XPO5: variants seen among roughly 807,000 people sequenced by gnomAD.
XPO5 encodes the protein exportin 5.
Under a neutral mutation model 160.6 loss-of-function variants are expected in XPO5, and 46 were observed. That is an observed-to-expected ratio of 0.29 (90% CI 0.23 to 0.37). The LOEUF is 0.37. Among genes scored for constraint, XPO5 ranks in the 10% least tolerant of loss-of-function variants. The pLI is 1.00. For missense variants in XPO5, 1,090 were observed against 1,463.9 expected (o/e 0.74, Z 4.17); for synonymous variants, 537 against 519.3 (o/e 1.03, Z -0.46).
chr6:43,560,654 C>T (rs977292109), intron 10 of XPO5, among the ~76,000 whole-genome samples: 2 of 152,132 alleles, frequency 1.3e-5, no homozygotes, highest in Non-Finnish European at 2.9e-5. Flanking sequence ...ATCTTTATAA[C>T]TTTAGTACTA....
At chr6:43,531,999 T>C (rs969662936) in intron 21 of XPO5, among the ~76,000 whole-genome samples, 15 of 152,210 alleles carry the variant, frequency 9.9e-5, no homozygotes, top group African/African-American at 3.4e-4. Flanking sequence ...AAAATATCTA[T>C]ATTTTTAAGT....
At chr6:43,524,663 G>C (rs1468174882) in intron 30 of XPO5, 28 bp from the exon 31 acceptor site, 1 of 1,607,586 alleles carries the variant, frequency 6.2e-7, no homozygotes, top group Non-Finnish European at 8.5e-7. Flanking sequence ...AAACTTACTG[G>C]ATGTAGGTTT....
rs200093268 is a variant in XPO5, at chr6:43,523,818, G to T, written c.*50C>A. The T allele has an allele frequency of 2.1e-4, 341 of 1,613,748 alleles. 1 individual carries two copies. In the African/African-American group the frequency reaches 3.7e-3, roughly 17 times the overall value. Reference sequence around the variant, plus strand: ...AGGGCCTAGAGATCGGCTACAAAGGGAAAGAAGAGATGACAAGAAAGGCCG... The same window carrying T: ...AGGGCCTAGAGATCGGCTACAAAGGTAAAGAAGAGATGACAAGAAAGGCCG... On this transcript the variant is annotated 3_prime_UTR_variant, in exon 32 of 32. Coordinates refer to ENST00000265351, the MANE Select transcript of XPO5 (RefSeq NM_020750.3).
At chr6:43,534,086 T>A in intron 20 of XPO5, 79 bp from the exon 21 acceptor site, 7 of 1,093,980 alleles carry the variant, frequency 6.4e-6, no homozygotes, top group Non-Finnish European at 8.0e-6. Context: ...AATCCAGTGA[T>A]ACTACAGTTT....
chr6:43,553,562 G>GAAAGATCGCAGAAGAC, intron 13 of XPO5, 59 bp from the exon 14 acceptor site: 2 of 1,513,318 alleles, frequency 1.3e-6, no homozygotes, highest in Admixed American at 2.1e-5. Flanking sequence ...TATCAGCATT[G>GAAAGATCGCAGAAGAC]AAAGATCGCA....
At chr6:43,531,215 CTTGGGTTTCATCATT>C (rs997789937) in intron 22 of XPO5, among the ~76,000 whole-genome samples, 21 of 149,722 alleles carry the variant, frequency 1.4e-4, no homozygotes, top group Non-Finnish European at 2.4e-4. Context: ...TTAGCTTCGA[CTTGGGTTTCATCATT>C]TTATACACTA....
chr6:43,525,858 T>A lies in XPO5; in HGVS notation c.3047A>T (p.Lys1016Ile). Residue 1016 changes from lysine (K) to isoleucine (I), a missense_variant, in exon 28 of 32, where the codon AAA becomes ATA. Lys to Ile is a moderately radical substitution (Grantham distance 102). This residue lies in a region of XPO5 where 810 missense variants were observed against 1,139.0 expected (regional missense o/e 0.71). Coordinates refer to ENST00000265351, the MANE Select transcript of XPO5 (RefSeq NM_020750.3). Reference protein sequence around the residue: ...SAMAELTDLGKCLMKHEDVCT... With the variant: ...SAMAELTDLGICLMKHEDVCT... The stretch of plus-strand genomic sequence containing the variant: ...ACCCACCTCATGCTTCATCAGACAT[T>A]TGCCCAGGTCTGTAAGCTCTGCCAT... 6.2e-7 allele frequency: 1 copy of A among 1,614,046 alleles called. No homozygotes were observed. The highest frequency in any genetic ancestry group is 8.5e-7 in the Non-Finnish European group (1 of 1,179,892).
intron 12 of XPO5, among the ~76,000 whole-genome samples, chr6:43,557,141 A>ATCAAGTACTGATAAATGTTGT (rs1219810973): frequency 1.4e-5 from 2 of 145,822 alleles, no homozygotes; most frequent in East Asian, 2.0e-4. Context: ...AAAAAAAAAA[A>ATCAAGTACTGATAAATGTTGT]AAAGGCTGGG....
intron 2 of XPO5, 142 bp downstream of exon 2, chr6:43,573,338 G>A (rs994753529): frequency 1.8e-6 from 2 of 1,124,370 alleles, no homozygotes; most frequent in Non-Finnish European, 2.5e-6. Context: ...CTCCTGTGAG[G>A]TTCTGATAAC....
At chr6:43,552,481 T>C (rs1278271175) in intron 14 of XPO5, among the ~76,000 whole-genome samples, 2 of 152,154 alleles carry the variant, frequency 1.3e-5, no homozygotes, top group African/African-American at 2.4e-5. Context: ...GCCTCCCAAG[T>C]AGCTGGGATT....
At chr6:43,527,224 G>A (rs1793651678) in intron 26 of XPO5, 1 of 205,324 alleles carries the variant, frequency 4.9e-6, no homozygotes. Flanking sequence ...CTTAAGGACT[G>A]CCTTGCTTCT....
At chr6:43,525,053 C>G (rs993931858) in intron 29 of XPO5, 54 bp downstream of exon 29, 1 of 1,576,862 alleles carries the variant, frequency 6.3e-7, no homozygotes, top group Non-Finnish European at 8.6e-7. Context: ...TTTAGTCAGT[C>G]TGCATGACCC....
At chr6:43,536,321 A>AT (rs1174975261) in intron 20 of XPO5, among the ~76,000 whole-genome samples, 1 of 151,514 alleles carries the variant, frequency 6.6e-6, no homozygotes, top group African/African-American at 2.4e-5. Flanking sequence ...AGGTCAAGGC[A>AT]TAAGAATCGC....
intron 5 of XPO5, 48 bp from the exon 6 acceptor site, chr6:43,568,785 C>T: frequency 1.3e-6 from 2 of 1,492,482 alleles, no homozygotes; most frequent in Non-Finnish European, 1.8e-6. Flanking sequence ...CAAAAGGCCA[C>T]ATAATAACTT....
intron 8 of XPO5, among the ~76,000 whole-genome samples, chr6:43,564,635 G>A (rs1340435527): frequency 6.6e-6 from 1 of 152,092 alleles, no homozygotes; most frequent in East Asian, 1.9e-4. Flanking sequence ...CAAGGTCTCA[G>A]TCTGTTGCCC....
chr6:43,562,119 A>G (rs367698956), intron 9 of XPO5, 128 bp downstream of exon 9: 4 of 616,222 alleles, frequency 6.5e-6, no homozygotes, highest in Admixed American at 6.5e-5. Context: ...GAATCATGCA[A>G]TAACTTGTAT....
intron 20 of XPO5, chr6:43,539,782 T>C (rs188905095): frequency 1.7e-5 from 10 of 580,744 alleles, no homozygotes; most frequent in Middle Eastern, 9.0e-4. Flanking sequence ...ATCTGTTCCT[T>C]GAAGGTCTGG....
At chr6:43,542,981 A>C (rs901138955) in intron 20 of XPO5, among the ~76,000 whole-genome samples, 1 of 152,222 alleles carries the variant, frequency 6.6e-6, no homozygotes, top group Non-Finnish European at 1.5e-5. Flanking sequence ...TCAAGGCTGA[A>C]TAGTTACAGC....
chr6:43,523,516 CCT>C lies in XPO5; in HGVS notation c.*350_*351del. ...CTAGTCGCAGGGTTGGGCACAGCAC[CCT>C]TAGTTACCATTCTGTACAGGTATGT... On this transcript the variant is annotated 3_prime_UTR_variant, in exon 32 of 32. Coordinates refer to ENST00000265351, the MANE Select transcript of XPO5 (RefSeq NM_020750.3). 1 of 433,736 alleles carries C rather than the reference CCT, an allele frequency of 2.3e-6. No individual in the cohort carries two copies. The highest frequency in any genetic ancestry group is 4.5e-6 in the Non-Finnish European group (1 of 220,778). 26.9% of individuals were successfully genotyped at this position (433,736 alleles called of 1,614,324 possible). A position where few individuals can be genotyped will look rare whatever the true frequency, so the allele number is the denominator to read the frequency against.
Sources: gnomAD v4.1 joint callset for allele counts (sites outside exome capture counted in the v4.1 genomes callset) on GRCh38, gnomAD v4.1.1 for gene constraint, gnomAD v4.1.1 regional missense constraint, MANE v1.5 for transcripts, NCBI Gene and HGNC (gene_info 2026-07-23, HGNC 2026-07-21) for gene names.